The following RFX1 variants were observed in gnomAD, a reference collection of about 807,000 sequenced individuals.
The protein encoded by RFX1 is MHC class II regulatory factor RFX1.
Under a neutral mutation model 119.6 loss-of-function variants are expected in RFX1, and 42 were observed. The ratio of observed to expected loss-of-function variants is 0.35; its 90% CI spans 0.27 to 0.45. RFX1 has a LOEUF of 0.45. RFX1 is among the 20% of genes least tolerant of loss of function. The pLI is 1.00. For missense variants in RFX1, 1,118 were observed against 1,368.1 expected, an observed-to-expected ratio of 0.82 and a Z score of 2.88; for synonymous variants, 628 against 618.5, an observed-to-expected ratio of 1.02 and a Z score of -0.23.
In RFX1 at chr19:13,969,231, T is replaced by C. The variant is rs1410798170; in HGVS notation, c.1497-337A>G. 6.6e-6 allele frequency among the ~76,000 whole-genome samples: 1 copy of C among 152,166 alleles called. No homozygotes were observed. The highest frequency in any genetic ancestry group is 1.9e-4 in the East Asian group (1 of 5,198). The stretch of plus-strand genomic sequence containing the variant: ...GAGAGGGGCGGGTTCTTGGGATGCC[T>C]TCTTGTTCCTTCCCGCATGAATTTA... On this transcript the variant is annotated intron_variant, in intron 10 of 20. Transcript: ENST00000254325. This position sits in a 1 kb window ranked among gnomAD's most constrained non-coding sequence, Gnocchi z 4.5.
intron 8 of RFX1, among the ~76,000 whole-genome samples, chr19:13,974,157 A>C (rs1344009615): frequency 6.6e-6 from 1 of 152,134 alleles, no homozygotes; most frequent in Non-Finnish European, 1.5e-5. Context: ...TGCAAAGGTA[A>C]ATGAGAGATC....
Position 13,977,981 on chromosome 19 carries a change from C to T in RFX1, c.929+11G>A, listed in dbSNP as rs185143488. Reference sequence around the variant, plus strand: ...CCTGACTCCCTCACCCACCCCTCTCCCTTCACTTACATGGCACTGGCCGTG... The same window carrying T: ...CCTGACTCCCTCACCCACCCCTCTCTCTTCACTTACATGGCACTGGCCGTG... On this transcript the variant is annotated intron_variant, in intron 8 of 20. Transcript: ENST00000254325. 3.4e-5 allele frequency: 55 copies of T among 1,605,242 alleles called. No homozygotes were observed. The highest frequency in any genetic ancestry group is 3.8e-5 in the Non-Finnish European group (45 of 1,173,396).
At chr19:13,989,095 T>C (rs1393105177) in intron 2 of RFX1, among the ~76,000 whole-genome samples, 1 of 151,944 alleles carries the variant, frequency 6.6e-6, no homozygotes, top group African/African-American at 2.4e-5. Context: ...AGAAAGGTAG[T>C]GTCTGAGCAG....
Position 13,977,957 on chromosome 19 carries a change from C to G in RFX1, c.929+35G>C, listed in dbSNP as rs199529340. 2.0e-6 allele frequency: 3 copies of G among 1,535,678 alleles called. No homozygotes were observed. In the South Asian group the frequency reaches 3.5e-5, roughly 18 times the overall value. On this transcript the variant is annotated intron_variant, in intron 8 of 20. Coordinates refer to ENST00000254325, the MANE Select transcript of RFX1 (RefSeq NM_002918.5). The stretch of plus-strand genomic sequence containing the variant: ...AGACTGGGGAGGCTCCAGTGCAGAC[C>G]TGACTCCCTCACCCACCCCTCTCCC...
chr19:13,995,534 G>A (rs1327397202), intron 1 of RFX1, among the ~76,000 whole-genome samples: 1 of 152,194 alleles, frequency 6.6e-6, no homozygotes, highest in African/African-American at 2.4e-5. Flanking sequence ...TGAGAACCTG[G>A]CAGCTGCGGC....
chr19:13,989,508 T>G (rs1273240500), intron 2 of RFX1, among the ~76,000 whole-genome samples: 1 of 151,336 alleles, frequency 6.6e-6, no homozygotes. Context: ...GTAGCTGGGA[T>G]TACGGCGCCC....
intron 1 of RFX1, among the ~76,000 whole-genome samples, chr19:14,003,146 C>T (rs931622783): frequency 1.3e-5 from 2 of 152,160 alleles, no homozygotes; most frequent in African/African-American, 2.4e-5. Flanking sequence ...CTACCATGCC[C>T]GGCTACTTTT....
chr19:13,998,943 A>G (rs1975124156), intron 1 of RFX1, among the ~76,000 whole-genome samples: 1 of 152,208 alleles, frequency 6.6e-6, no homozygotes, highest in Admixed American at 6.5e-5. Context: ...GGGCAAGAAG[A>G]GGAGGCAATG....
intron 1 of RFX1, among the ~76,000 whole-genome samples, chr19:13,999,763 C>T (rs1414462918): frequency 3.3e-5 from 5 of 151,988 alleles, no homozygotes; most frequent in Non-Finnish European, 1.5e-5. Context: ...GCAACCTCTG[C>T]CTCCCGGGTT....
At chr19:13,971,787 A>G (rs1452202123) in intron 9 of RFX1, among the ~76,000 whole-genome samples, 2 of 152,008 alleles carry the variant, frequency 1.3e-5, no homozygotes, top group African/African-American at 2.4e-5. Flanking sequence ...AGGAGGGTGG[A>G]TCACGAGGTC....
At chr19:13,982,835 T>C (rs1273650740) in intron 4 of RFX1, among the ~76,000 whole-genome samples, 12 of 152,232 alleles carry the variant, frequency 7.9e-5, no homozygotes, top group Non-Finnish European at 1.5e-4. Context: ...CGGCACCTCA[T>C]GCGCAGCCTT....
chr19:13,970,835 T>C (rs947166490), intron 9 of RFX1, among the ~76,000 whole-genome samples: 1 of 150,480 alleles, frequency 6.6e-6, no homozygotes, highest in African/African-American at 2.5e-5. Context: ...AATACAAAAA[T>C]TAGCTGGGAG....
intron 1 of RFX1, among the ~76,000 whole-genome samples, chr19:13,994,893 C>CATACATATATATATATATAT (rs58399098): frequency 1.7e-5 from 1 of 59,312 alleles, no homozygotes; most frequent in African/African-American, 5.7e-5. Flanking sequence ...AATATACATA[C>CATACATATATATATATATAT]ATATATATAT....
At chr19:13,979,230 C>T (rs1974353106) in intron 7 of RFX1, among the ~76,000 whole-genome samples, 1 of 152,216 alleles carries the variant, frequency 6.6e-6, no homozygotes, top group Admixed American at 6.5e-5. Context: ...AGAACTGACC[C>T]AGGGCCACGC....
In RFX1 at chr19:13,967,429, G is replaced by A. The variant is rs190498893; in HGVS notation, c.1733-678C>T. On this transcript the variant is annotated intron_variant, in intron 12 of 20. Coordinates refer to ENST00000254325, the MANE Select transcript of RFX1 (RefSeq NM_002918.5). ...GGACTCAAGCAATTCCTCCCACCTC[G>A]GCCTCCCAACGTGCTGGGATTACAC... Among the ~76,000 whole-genome samples, 28 of 151,774 alleles carry A rather than the reference G, an allele frequency of 1.8e-4. No homozygotes were observed. The East Asian group carries it at 2.5e-3, about 14-fold the overall frequency.
chr19:13,989,655 A>T (rs1974737922), intron 2 of RFX1, among the ~76,000 whole-genome samples: 3 of 152,142 alleles, frequency 2.0e-5, no homozygotes. Flanking sequence ...GAGGGGAAGG[A>T]GCCTGCTCTC....
rs371987270 is a variant in RFX1, at chr19:13,980,419, C to T, written c.738+154G>A. Among the ~76,000 whole-genome samples the T allele has an allele frequency of 1.3e-5, 2 of 152,224 alleles. No homozygotes were observed. The highest frequency in any genetic ancestry group is 1.9e-4 in the East Asian group (1 of 5,204). ...AGCCCCAGGATGCTGAGTCTGGAGACAGGCAGAGATGCTTATCAAAGGCCA... is the reference window on the plus strand; with the variant it reads ...AGCCCCAGGATGCTGAGTCTGGAGATAGGCAGAGATGCTTATCAAAGGCCA... On this transcript the variant is annotated intron_variant, in intron 6 of 20. Coordinates refer to ENST00000254325, the MANE Select transcript of RFX1 (RefSeq NM_002918.5). This position sits in a 1 kb window ranked among gnomAD's most constrained non-coding sequence, Gnocchi z 5.1.
chr19:13,985,822 C>G lies in RFX1; in HGVS notation c.320-2227G>C, dbSNP rs955603186. On this transcript the variant is annotated intron_variant, in intron 2 of 20. Transcript: ENST00000254325. The surrounding 1 kb of genome is among the most constrained non-coding windows in gnomAD (Gnocchi z 4.3). ...GCCTGGACAGGGCAGGAGGGCTATT[C>G]AGGGCAGATGCAAAGGCCAAGTCAA... Among the ~76,000 whole-genome samples, 1 of 152,046 alleles carries G rather than the reference C, an allele frequency of 6.6e-6. No homozygotes were observed. The highest frequency in any genetic ancestry group is 1.5e-5 in the Non-Finnish European group (1 of 67,996).
At position 13,983,242 on chromosome 19, in the gene RFX1, G is replaced by T; in HGVS notation, c.458C>A (p.Ala153Asp). Residue 153 changes from alanine (A) to aspartate (D), a missense_variant, in exon 4 of 21, where the codon GCC (alanine) becomes GAC (aspartate). Physicochemically the swap from Ala to Asp is moderately radical, Grantham distance 126. Around this residue, in one of 5 missense-constraint regions of RFX1, gnomAD observed 542 missense variants for 602.7 expected, o/e 0.90. Coordinates refer to ENST00000254325, the MANE Select transcript of RFX1 (RefSeq NM_002918.5). ...QRLLVQTSVQ[A>D]KPGHVSPLQL... ...GAGGGGCGACACGTGGCCTGGCTTG[G>T]CCTGCACGCTCGTCTGGACCAGCAG... 6.4e-7 allele frequency: 1 copy of T among 1,573,688 alleles called. No homozygotes were observed.
Sources: allele counts gnomAD v4.1 joint callset (sites outside exome capture counted in the v4.1 genomes callset), GRCh38; gene constraint gnomAD v4.1.1; regional missense constraint gnomAD v4.1.1; non-coding constraint Gnocchi (gnomAD v3.1); transcripts MANE v1.5; gene names NCBI Gene and HGNC (gene_info 2026-07-23, HGNC 2026-07-21).